ABCB5: variants seen among roughly 807,000 people sequenced by gnomAD.
ABCB5 encodes ATP-binding cassette sub-family B member 5.
In ABCB5, 155 loss-of-function variants were observed where a neutral mutation model predicts 144.2. That is an observed-to-expected ratio of 1.08 (90% CI 0.94 to 1.23). The LOEUF is 1.23. ABCB5 is among the 50% of genes most tolerant of loss of function. The probability of loss-of-function intolerance (pLI) is 0.00; values close to 1 mark genes in which losing one functional copy is unlikely to be tolerated. For missense variants in ABCB5, 1,830 were observed against 1,520.8 expected (o/e 1.20, Z -3.38); for synonymous variants, 610 against 528.6 (o/e 1.15, Z -2.11).
intron 26 of ABCB5, among the ~76,000 whole-genome samples, chr7:20,753,115 T>C (rs966243479): frequency 3.3e-5 from 5 of 152,234 alleles, no homozygotes; most frequent in Admixed American, 6.5e-5. Context: ...GAAAAATTTC[T>C]TTGTGGAAGC....
At chr7:20,646,806 T>C (rs1332817483) in intron 9 of ABCB5, among the ~76,000 whole-genome samples, 4 of 152,222 alleles carry the variant, frequency 2.6e-5, no homozygotes, top group Admixed American at 2.6e-4. Context: ...ATTTCTCTTC[T>C]TTCCATTAAA....
At chr7:20,663,713 CTTTTTTTT>C (rs34871735) in intron 14 of ABCB5, among the ~76,000 whole-genome samples, 1 of 107,528 alleles carries the variant, frequency 9.3e-6, no homozygotes, top group African/African-American at 3.7e-5. Context: ...TTATGTTAGG[CTTTTTTTT>C]TTTTTTTTTT....
chr7:20,621,307 A>C (rs1455907941), intron 1 of ABCB5, among the ~76,000 whole-genome samples: 1 of 152,154 alleles, frequency 6.6e-6, no homozygotes, highest in Non-Finnish European at 1.5e-5. Context: ...GAAGATAGAT[A>C]TGGTGATGGT....
chr7:20,670,572 G>A (rs966452138), intron 14 of ABCB5, among the ~76,000 whole-genome samples: 3 of 152,116 alleles, frequency 2.0e-5, no homozygotes, highest in Admixed American at 6.5e-5. Flanking sequence ...TATAAGCGAG[G>A]CTTAGAATTA....
intron 20 of ABCB5, among the ~76,000 whole-genome samples, chr7:20,716,978 C>T (rs1172633205): frequency 1.3e-5 from 2 of 152,152 alleles, no homozygotes; most frequent in Admixed American, 6.5e-5. Context: ...TGGCCAAACA[C>T]CTACCGACAA....
intron 14 of ABCB5, among the ~76,000 whole-genome samples, chr7:20,665,780 C>G (rs1407613154): frequency 2.7e-5 from 4 of 147,284 alleles, no homozygotes; most frequent in East Asian, 2.0e-4. Flanking sequence ...TACATACATA[C>G]ATACATACAT....
rs139627833 is a variant in ABCB5 at position 20,735,501 on chromosome 7, A to G, written c.2868-3482A>G. On this transcript the variant is annotated intron_variant, in intron 23 of 27. Transcript: ENST00000404938. ...AACACTGGTTACACAAAACAAAGAA[A>G]ACAGGAAAGACTTCTTTCCATGTTG... Among the ~76,000 whole-genome samples the G allele has an allele frequency of 2.5e-3, 383 of 152,346 alleles. 2 individuals are homozygous for G. The highest frequency in any genetic ancestry group is 8.8e-3 in the African/African-American group (366 of 41,588).
chr7:20,630,027 G>A (rs192402328), intron 4 of ABCB5, among the ~76,000 whole-genome samples: 16 of 152,144 alleles, frequency 1.1e-4, no homozygotes, highest in African/African-American at 2.9e-4. Flanking sequence ...GGCATCTTTC[G>A]TGTATCGTTT....
At chr7:20,724,711 T>A (rs144029104) in intron 21 of ABCB5, among the ~76,000 whole-genome samples, 2 of 151,348 alleles carry the variant, frequency 1.3e-5, no homozygotes, top group African/African-American at 4.8e-5. Context: ...ATCCTCTGAA[T>A]AGCAAAATGA....
intron 20 of ABCB5, among the ~76,000 whole-genome samples, chr7:20,708,561 C>T (rs1786900848): frequency 6.6e-6 from 1 of 152,078 alleles, no homozygotes; most frequent in Admixed American, 6.6e-5. Flanking sequence ...AAAACTTTAC[C>T]ACTGCTAAGC....
At chr7:20,661,736 T>C (rs1284706427) in intron 14 of ABCB5, among the ~76,000 whole-genome samples, 1 of 151,832 alleles carries the variant, frequency 6.6e-6, no homozygotes, top group Non-Finnish European at 1.5e-5. Flanking sequence ...GGTTTCACCA[T>C]GTTGGTCAGG....
intron 20 of ABCB5, among the ~76,000 whole-genome samples, chr7:20,714,074 T>C (rs1781587823): frequency 6.6e-6 from 1 of 152,226 alleles, no homozygotes; most frequent in Non-Finnish European, 1.5e-5. Flanking sequence ...GGTTGCCTTA[T>C]GTTCAGTGTC....
rs959194739 is a variant in ABCB5, at chr7:20,745,501, C to T, written c.3429+63C>T. On this transcript the variant is annotated intron_variant, in intron 26 of 27. Transcript: ENST00000404938. Reference sequence around the variant, plus strand: ...CAAGTAAGGCTAAGTAGCTACTGGGCCTATGCAGTTGTTTTTATGTATTCC... The same window carrying T: ...CAAGTAAGGCTAAGTAGCTACTGGGTCTATGCAGTTGTTTTTATGTATTCC... The T allele has an allele frequency of 2.1e-6, 3 of 1,449,484 alleles. No individual in the cohort carries two copies. In the Admixed American group the frequency reaches 5.4e-5, roughly 26 times the overall value. The allele number at this position is 1,449,484 out of a possible 1,614,324, so 89.8% of individuals were successfully genotyped here. A position where few individuals can be genotyped will look rare whatever the true frequency, so the allele number is the denominator to read the frequency against.
intron 26 of ABCB5, among the ~76,000 whole-genome samples, chr7:20,751,475 T>A (rs1177708659): frequency 6.6e-6 from 1 of 151,978 alleles, no homozygotes; most frequent in South Asian, 2.1e-4. Context: ...CGTAAAAAAA[T>A]AAATAAATAA....
chr7:20,684,781 T>G (rs1301412522), intron 15 of ABCB5, among the ~76,000 whole-genome samples: 1 of 152,200 alleles, frequency 6.6e-6, no homozygotes, highest in Non-Finnish European at 1.5e-5. Context: ...TTACAGTTGT[T>G]AGGCTTATCA....
intron 13 of ABCB5, among the ~76,000 whole-genome samples, chr7:20,652,507 T>C (rs750273353): frequency 2.0e-5 from 3 of 152,074 alleles, no homozygotes; most frequent in African/African-American, 4.8e-5. Context: ...GAGGTGGAGA[T>C]TGCAGTGAGC....
At chr7:20,644,950 A>T (rs1249803795) in intron 7 of ABCB5, among the ~76,000 whole-genome samples, 4 of 152,224 alleles carry the variant, frequency 2.6e-5, no homozygotes, top group Non-Finnish European at 4.4e-5. Context: ...CTCAGTAGAA[A>T]GATTGCCTGC....
chr7:20,638,942 T>C (rs1784224315), intron 5 of ABCB5, among the ~76,000 whole-genome samples: 1 of 152,198 alleles, frequency 6.6e-6, no homozygotes, highest in African/African-American at 2.4e-5. Flanking sequence ...CCAAACTGTT[T>C]TTTCAAAGTG....
intron 14 of ABCB5, chr7:20,660,310 G>A: frequency 1.0e-6 from 1 of 984,848 alleles, no homozygotes. Flanking sequence ...AATTATGGGG[G>A]AATTTAACTT....
Sources: gnomAD v4.1 joint callset for allele counts (sites outside exome capture counted in the v4.1 genomes callset) on GRCh38, gnomAD v4.1.1 for gene constraint, MANE v1.5 for transcripts, NCBI Gene and HGNC (gene_info 2026-07-23, HGNC 2026-07-21) for gene names.